The following CLASP2 variants were observed in gnomAD, a reference collection of about 807,000 sequenced individuals.
CLASP2 encodes the protein CLIP-associating protein 2.
A neutral mutation model predicts 194.4 loss-of-function variants in CLASP2; 47 were observed. The observed-to-expected ratio is 0.24, with a 90% CI of 0.19 to 0.31. The LOEUF is 0.31. CLASP2 is among the 10% of genes least tolerant of loss of function. The pLI is 1.00. For missense variants in CLASP2, 1,445 were observed against 1,823.6 expected, an observed-to-expected ratio of 0.79 and a Z score of 3.78; for synonymous variants, 619 against 633.5, an observed-to-expected ratio of 0.98 and a Z score of 0.34.
At chr3:33,581,564 G>C (rs1036361328) in intron 23 of CLASP2, among the ~76,000 whole-genome samples, 15 of 152,140 alleles carry the variant, frequency 9.9e-5, no homozygotes, top group African/African-American at 3.4e-4. Flanking sequence ...TCAATATTCT[G>C]AAGTTTAAAC....
At chr3:33,598,161 C>CTT (rs576934464) in intron 18 of CLASP2, among the ~76,000 whole-genome samples, 2 of 143,344 alleles carry the variant, frequency 1.4e-5, no homozygotes, top group African/African-American at 5.1e-5. Context: ...TCTCACAGGT[C>CTT]TTTTTTTTTT....
chr3:33,548,764 T>A (rs1295183840), intron 30 of CLASP2, among the ~76,000 whole-genome samples: 2 of 112,618 alleles, frequency 1.8e-5, no homozygotes, highest in Non-Finnish European at 3.6e-5. Context: ...GTTTCATTTC[T>A]TTTTTTTTTT....
intron 37 of CLASP2, among the ~76,000 whole-genome samples, chr3:33,507,730 T>G (rs918150443): frequency 6.6e-6 from 1 of 152,142 alleles, no homozygotes; most frequent in African/African-American, 2.4e-5. Flanking sequence ...GCAATCCTCC[T>G]GCCTTAGCCT....
chr3:33,553,094 T>C (rs11129558), intron 29 of CLASP2, among the ~76,000 whole-genome samples: 39,453 of 152,092 alleles, frequency 0.26, 5,624 homozygotes, highest in Admixed American at 0.38. Flanking sequence ...TATGTTTTTC[T>C]ATGTTTTTTC....
intron 29 of CLASP2, among the ~76,000 whole-genome samples, chr3:33,556,493 T>C (rs562393520): frequency 6.6e-6 from 1 of 151,790 alleles, no homozygotes; most frequent in Non-Finnish European, 1.5e-5. Flanking sequence ...TAGAGGGCAG[T>C]GGCGCAGACT....
At chr3:33,635,791 T>C (rs2080026527) in intron 8 of CLASP2, among the ~76,000 whole-genome samples, 1 of 152,196 alleles carries the variant, frequency 6.6e-6, no homozygotes, top group African/African-American at 2.4e-5. Flanking sequence ...AGGAAAATGA[T>C]AGGCATCCAA....
At chr3:33,677,315 CAAT>C (rs1375580967) in intron 6 of CLASP2, among the ~76,000 whole-genome samples, 1 of 150,802 alleles carries the variant, frequency 6.6e-6, no homozygotes, top group Non-Finnish European at 1.5e-5. Flanking sequence ...AAATGTCCAA[CAAT>C]GATAGACTGG....
chr3:33,515,464 C>G (rs1225043580), intron 36 of CLASP2, among the ~76,000 whole-genome samples: 1 of 152,160 alleles, frequency 6.6e-6, no homozygotes. Context: ...GCTTGGGCAA[C>G]ATGGTGAAAC....
intron 1 of CLASP2, among the ~76,000 whole-genome samples, chr3:33,704,127 G>A (rs1159979163): frequency 6.6e-6 from 1 of 152,140 alleles, no homozygotes; most frequent in African/African-American, 2.4e-5. Flanking sequence ...TTTTAGGGCA[G>A]TAAAACTATT....
At chr3:33,662,056 C>CAA (rs1559565203) in intron 7 of CLASP2, among the ~76,000 whole-genome samples, 9 of 151,234 alleles carry the variant, frequency 6.0e-5, no homozygotes, top group Admixed American at 3.3e-4. Context: ...AAGTCTTCTT[C>CAA]AAAAAAAATA....
chr3:33,534,007 G>T (rs527577112), intron 34 of CLASP2, among the ~76,000 whole-genome samples: 52 of 152,172 alleles, frequency 3.4e-4, no homozygotes, highest in African/African-American at 1.2e-3. Flanking sequence ...GAGCCACTGC[G>T]CCTGGCCACT....
chr3:33,575,355 T>C (rs1011695949), intron 24 of CLASP2, among the ~76,000 whole-genome samples: 1 of 152,186 alleles, frequency 6.6e-6, no homozygotes, highest in Admixed American at 6.5e-5. Context: ...TGGCAAACAC[T>C]GTATTATATC....
In CLASP2 at chr3:33,700,422, C is replaced by G. The variant is rs531782918; in HGVS notation, c.196-3489G>C. On this transcript the variant is annotated intron_variant, in intron 1 of 38. Transcript: ENST00000682230. ...AGCTGGCAACAAAGCAAGACACTGT[C>G]TCAAACAAACAAACAAAAAAACCTT... is the stretch of plus-strand genomic sequence containing the variant. Among the ~76,000 whole-genome samples, 4 of 151,468 alleles carry G rather than the reference C, an allele frequency of 2.6e-5. No homozygotes were observed. The Middle Eastern group carries it at 0.01, about 389-fold the overall frequency.
At chr3:33,528,984 A>T (rs545517376) in intron 34 of CLASP2, among the ~76,000 whole-genome samples, 2 of 152,328 alleles carry the variant, frequency 1.3e-5, no homozygotes, top group African/African-American at 4.8e-5. Flanking sequence ...GTTTCAGGAT[A>T]TAAAATCAAC....
At chr3:33,677,559 T>TG (rs2088960825) in intron 6 of CLASP2, among the ~76,000 whole-genome samples, 2 of 61,298 alleles carry the variant, frequency 3.3e-5, no homozygotes, top group South Asian at 6.8e-4. Flanking sequence ...TGTTGTGGGG[T>TG]GGGGGGAGGG....
chr3:33,551,541 G>A (rs551268681), intron 29 of CLASP2, 146 bp from the exon 30 acceptor site: 185 of 729,230 alleles, frequency 2.5e-4, no homozygotes, highest in Middle Eastern at 3.8e-4. Flanking sequence ...TTGGTCTTGC[G>A]CTCCTGGCCT....
At chr3:33,639,380 G>A (rs1267809624) in intron 8 of CLASP2, among the ~76,000 whole-genome samples, 2 of 152,080 alleles carry the variant, frequency 1.3e-5, no homozygotes, top group African/African-American at 4.8e-5. Flanking sequence ...GTTGATTAAC[G>A]TGGAGCCTTG....
At chr3:33,671,427 C>T (rs1209606461) in intron 6 of CLASP2, among the ~76,000 whole-genome samples, 1 of 152,056 alleles carries the variant, frequency 6.6e-6, no homozygotes, top group African/African-American at 2.4e-5. Context: ...AATTACCAGA[C>T]CAGGAATTTT....
intron 24 of CLASP2, among the ~76,000 whole-genome samples, chr3:33,574,936 G>A (rs2064528596): frequency 6.6e-6 from 1 of 152,120 alleles, no homozygotes. Context: ...AGCCTTGGTA[G>A]TTAAACATTC....
Sources: allele counts gnomAD v4.1 joint callset (sites outside exome capture counted in the v4.1 genomes callset), GRCh38; gene constraint gnomAD v4.1.1; transcripts MANE v1.5; gene names NCBI Gene and HGNC (gene_info 2026-07-23, HGNC 2026-07-21).